SLC25A21: variants seen among roughly 807,000 people sequenced by gnomAD.
SLC25A21 encodes the protein mitochondrial 2-oxodicarboxylate carrier.
A neutral mutation model predicts 43.8 loss-of-function variants in SLC25A21; 47 were observed. The observed-to-expected ratio is 1.07, with a 90% CI of 0.85 to 1.37. The LOEUF (loss-of-function observed/expected upper bound fraction) is 1.37. Among genes scored for constraint, SLC25A21 ranks in the 40% most tolerant of loss-of-function variants. The probability of loss-of-function intolerance (pLI) is 0.00; values close to 1 mark genes in which losing one functional copy is unlikely to be tolerated. For synonymous variants in SLC25A21, 131 were observed against 121.3 expected (o/e 1.08, Z -0.52); for missense variants, 352 against 350.2 (o/e 1.00, Z -0.04).
chr14:36,808,961 C>G (rs1376457181), intron 3 of SLC25A21: 1 of 152,074 alleles, frequency 6.6e-6, no homozygotes, highest in Non-Finnish European at 1.5e-5. Flanking sequence ...GTATAGTCCC[C>G]TCACCCACCT....
chr14:36,971,984 C>G (rs1021948908), intron 1 of SLC25A21, among the ~76,000 whole-genome samples: 1 of 152,202 alleles, frequency 6.6e-6, no homozygotes, highest in African/African-American at 2.4e-5. Context: ...TATATATACA[C>G]ACACATATAT....
At chr14:37,100,479 G>A (rs938497952) in intron 1 of SLC25A21, among the ~76,000 whole-genome samples, 15 of 152,086 alleles carry the variant, frequency 9.9e-5, no homozygotes, top group Admixed American at 9.2e-4. Context: ...TCATCCTAAC[G>A]CCCAACCCAA....
chr14:36,805,104 C>T (rs1200298818), intron 3 of SLC25A21, among the ~76,000 whole-genome samples: 1 of 152,198 alleles, frequency 6.6e-6, no homozygotes, highest in Admixed American at 6.5e-5. Flanking sequence ...TAGAAGACAA[C>T]AATTTCCACT....
chr14:36,755,826 C>A (rs549151050), intron 3 of SLC25A21, among the ~76,000 whole-genome samples: 1 of 152,154 alleles, frequency 6.6e-6, no homozygotes, highest in Non-Finnish European at 1.5e-5. Context: ...CAGAGCTCCA[C>A]CCCTCCCTCT....
chr14:36,934,124 ATT>A (rs144230316), intron 1 of SLC25A21, among the ~76,000 whole-genome samples: 2,717 of 152,272 alleles, frequency 0.018, 77 homozygotes, highest in African/African-American at 0.061. Context: ...TATAATCTGT[ATT>A]TGGTTAAGCC....
chr14:37,166,472 TG>T (rs1407806153), intron 1 of SLC25A21, among the ~76,000 whole-genome samples: 1 of 152,254 alleles, frequency 6.6e-6, no homozygotes, highest in East Asian at 1.9e-4. Context: ...TGTGCAACTA[TG>T]GCATGTTCAT....
intron 2 of SLC25A21, among the ~76,000 whole-genome samples, chr14:36,870,269 C>T (rs535357716): frequency 6.6e-6 from 1 of 152,304 alleles, no homozygotes; most frequent in South Asian, 2.1e-4. Flanking sequence ...CAAATTACCA[C>T]AAACCCTGTG....
intron 1 of SLC25A21, among the ~76,000 whole-genome samples, chr14:37,122,650 A>G (rs893708926): frequency 1.4e-4 from 21 of 152,176 alleles, no homozygotes; most frequent in African/African-American, 4.6e-4. Flanking sequence ...TATGAGTACA[A>G]CATTTGAACA....
At chr14:36,815,587 A>T (rs1022269833) in intron 2 of SLC25A21, among the ~76,000 whole-genome samples, 5 of 151,688 alleles carry the variant, frequency 3.3e-5, no homozygotes, top group African/African-American at 1.2e-4. Context: ...CATGTGTCCC[A>T]TTTTTGAAAG....
chr14:36,691,247 A>C (rs1276579776), intron 7 of SLC25A21, among the ~76,000 whole-genome samples: 1 of 152,240 alleles, frequency 6.6e-6, no homozygotes, highest in Non-Finnish European at 1.5e-5. Flanking sequence ...ACATGCAAGG[A>C]GATCACCTCT....
chr14:37,096,059 T>C (rs1201339089), intron 1 of SLC25A21, among the ~76,000 whole-genome samples: 4 of 152,134 alleles, frequency 2.6e-5, no homozygotes, highest in African/African-American at 4.8e-5. Context: ...GTCAACATTA[T>C]AAATAATAAC....
intron 5 of SLC25A21, 101 bp downstream of exon 5, chr14:36,729,406 T>C: frequency 1.1e-6 from 1 of 895,190 alleles, no homozygotes; most frequent in Non-Finnish European, 1.7e-6. Context: ...CTCGAATTCA[T>C]ATTTTAGTAG....
chr14:37,041,511 C>T (rs990763149), intron 1 of SLC25A21, among the ~76,000 whole-genome samples: 20 of 152,006 alleles, frequency 1.3e-4, no homozygotes, highest in Admixed American at 8.5e-4. Context: ...AAAAATGTTA[C>T]AGCAATTGGT....
At chr14:36,975,134 C>T (rs755516272) in intron 1 of SLC25A21, among the ~76,000 whole-genome samples, 1 of 152,126 alleles carries the variant, frequency 6.6e-6, no homozygotes, top group South Asian at 2.1e-4. Context: ...ACAGGATATA[C>T]AAGACTACGC....
intron 1 of SLC25A21, among the ~76,000 whole-genome samples, chr14:37,011,304 C>T (rs1960727099): frequency 6.6e-6 from 1 of 152,172 alleles, no homozygotes; most frequent in African/African-American, 2.4e-5. Flanking sequence ...GCCACCACAC[C>T]TGACCTAAAT....
At chr14:37,171,841 G>GT (rs1188546161) in intron 1 of SLC25A21, 1 of 172,064 alleles carries the variant, frequency 5.8e-6, no homozygotes, top group African/African-American at 2.4e-5. Flanking sequence ...GTGGAGTCCT[G>GT]TAAGTACTTT....
chr14:37,083,551 C>T (rs749771953), intron 1 of SLC25A21, among the ~76,000 whole-genome samples: 8 of 152,076 alleles, frequency 5.3e-5, no homozygotes, highest in Non-Finnish European at 5.9e-5. Context: ...AGAAAAGATG[C>T]GGAAAGGATA....
At chr14:36,819,732 T>C (rs923919625) in intron 2 of SLC25A21, among the ~76,000 whole-genome samples, 1 of 152,144 alleles carries the variant, frequency 6.6e-6, no homozygotes, top group Non-Finnish European at 1.5e-5. Flanking sequence ...AGAAATATAT[T>C]TGTACACTAT....
intron 9 of SLC25A21, among the ~76,000 whole-genome samples, chr14:36,681,404 G>T (rs1488789100): frequency 2.0e-5 from 3 of 152,184 alleles, no homozygotes; most frequent in Admixed American, 6.5e-5. Context: ...GCTGTGAAGA[G>T]ACATGCTCTG....
Sources: gnomAD v4.1 joint callset for allele counts (sites outside exome capture counted in the v4.1 genomes callset) on GRCh38, gnomAD v4.1.1 for gene constraint, MANE v1.5 for transcripts, NCBI Gene and HGNC (gene_info 2026-07-23, HGNC 2026-07-21) for gene names.